KCNB2: variants seen among roughly 807,000 people sequenced by gnomAD.
KCNB2 encodes the protein delayed rectifier potassium channel protein.
Under a neutral mutation model 61.5 loss-of-function variants are expected in KCNB2, and 15 were observed. The observed-to-expected ratio is 0.24, with a 90% CI of 0.16 to 0.38. KCNB2 has a LOEUF of 0.38. Among genes scored for constraint, KCNB2 ranks in the 10% least tolerant of loss-of-function variants. KCNB2 has a pLI of 1.00. For missense variants in KCNB2, 828 were observed against 1,125.2 expected, an observed-to-expected ratio of 0.74 and a Z score of 3.78; for synonymous variants, 457 against 446.0, an observed-to-expected ratio of 1.02 and a Z score of -0.31.
chr8:72,686,797 A>C (rs911758161), intron 2 of KCNB2, among the ~76,000 whole-genome samples: 1 of 152,220 alleles, frequency 6.6e-6, no homozygotes, highest in Non-Finnish European at 1.5e-5. Context: ...AGTCCTGGGC[A>C]CAAAACTCAG....
chr8:72,611,301 A>G (rs945615333), intron 2 of KCNB2, among the ~76,000 whole-genome samples: 1 of 152,178 alleles, frequency 6.6e-6, no homozygotes, highest in African/African-American at 2.4e-5. Context: ...CTTTCACAAA[A>G]AGTCTTTTGT....
chr8:72,893,541 A>G (rs1371908875), intron 2 of KCNB2, among the ~76,000 whole-genome samples: 1 of 152,204 alleles, frequency 6.6e-6, no homozygotes, highest in African/African-American at 2.4e-5. Context: ...AAGTATTTTT[A>G]TATGTGCATC....
In KCNB2 at chr8:72,627,374, A is replaced by G. The variant is rs377216202; in HGVS notation, c.579+59061A>G. Among the ~76,000 whole-genome samples the G allele has an allele frequency of 7.2e-5, 11 of 152,308 alleles. No homozygotes were observed. The East Asian group carries it at 1.9e-3, about 27-fold the overall frequency. On this transcript the variant is annotated intron_variant, in intron 2 of 2. Transcript: ENST00000523207. The stretch of plus-strand genomic sequence containing the variant: ...TCTCAAATTTGATTTTTTTCTGTAT[A>G]ACTAATCATATTTTCTATCATAGAC...
At chr8:72,851,841 A>AAAAACAAAAC (rs1554539014) in intron 2 of KCNB2, among the ~76,000 whole-genome samples, 2 of 111,388 alleles carry the variant, frequency 1.8e-5, no homozygotes, top group African/African-American at 9.1e-5. Flanking sequence ...AAAAAAAAAA[A>AAAAACAAAAC]AAAAAAACAC....
At chr8:72,934,310 G>A (rs571939141) in intron 2 of KCNB2, among the ~76,000 whole-genome samples, 1 of 149,982 alleles carries the variant, frequency 6.7e-6, no homozygotes, top group South Asian at 2.1e-4. Flanking sequence ...GGAGGCAGAG[G>A]TTGCAGTGAG....
At chr8:72,613,266 C>A (rs938615807) in intron 2 of KCNB2, among the ~76,000 whole-genome samples, 3 of 152,078 alleles carry the variant, frequency 2.0e-5, no homozygotes, top group Non-Finnish European at 4.4e-5. Context: ...AGAAAAAAAA[C>A]CCTACAAACA....
intron 2 of KCNB2, among the ~76,000 whole-genome samples, chr8:72,703,764 G>T (rs1357545625): frequency 6.6e-6 from 1 of 152,184 alleles, no homozygotes; most frequent in Non-Finnish European, 1.5e-5. Context: ...ATAAAACCAT[G>T]GGAGTAGCTC....
intron 2 of KCNB2, among the ~76,000 whole-genome samples, chr8:72,843,399 G>T (rs554376425): frequency 6.6e-6 from 1 of 152,272 alleles, no homozygotes; most frequent in African/African-American, 2.4e-5. Context: ...GTGCTGAGAA[G>T]AATGTATATT....
intron 2 of KCNB2, among the ~76,000 whole-genome samples, chr8:72,664,172 G>C (rs2128987556): frequency 6.6e-6 from 1 of 152,296 alleles, no homozygotes; most frequent in South Asian, 2.1e-4. Flanking sequence ...GCCTGTCTTT[G>C]TCCAGCGGAT....
intron 2 of KCNB2, among the ~76,000 whole-genome samples, chr8:72,723,338 A>G (rs1807582435): frequency 6.6e-6 from 1 of 152,206 alleles, no homozygotes; most frequent in Non-Finnish European, 1.5e-5. Context: ...ATGGGGTAAC[A>G]CTAGAACTAA....
chr8:72,801,375 T>C (rs1809122559), intron 2 of KCNB2, among the ~76,000 whole-genome samples: 1 of 152,226 alleles, frequency 6.6e-6, no homozygotes, highest in African/African-American at 2.4e-5. Flanking sequence ...CTGAACACTT[T>C]TGTGGTGAGC....
chr8:72,916,990 C>T (rs567911501), intron 2 of KCNB2, among the ~76,000 whole-genome samples: 4 of 152,152 alleles, frequency 2.6e-5, no homozygotes, highest in South Asian at 2.1e-4. Flanking sequence ...AGGCAACATT[C>T]GAGCTGGAAA....
intron 2 of KCNB2, among the ~76,000 whole-genome samples, chr8:72,926,867 A>G (rs10096641): frequency 0.43 from 65,141 of 152,026 alleles, 15,467 homozygotes; most frequent in East Asian, 0.89. Context: ...GCCCCCCATC[A>G]GTCCTATGCA....
intron 2 of KCNB2, among the ~76,000 whole-genome samples, chr8:72,847,745 A>G (rs891055811): frequency 1.3e-5 from 2 of 152,252 alleles, no homozygotes; most frequent in African/African-American, 4.8e-5. Flanking sequence ...GATTGTCCAA[A>G]TAAAGTAAGG....
intron 2 of KCNB2, among the ~76,000 whole-genome samples, chr8:72,646,805 T>C (rs1806136472): frequency 6.6e-6 from 1 of 152,128 alleles, no homozygotes; most frequent in Admixed American, 6.6e-5. Context: ...CTGGAGTTAG[T>C]AGTGATGGTC....
chr8:72,901,989 G>A (rs1464279504), intron 2 of KCNB2, among the ~76,000 whole-genome samples: 1 of 152,152 alleles, frequency 6.6e-6, no homozygotes, highest in Non-Finnish European at 1.5e-5. Context: ...GCAGAAAAGG[G>A]AAGTACTCAA....
At chr8:72,904,173 C>G (rs1563419145) in intron 2 of KCNB2, among the ~76,000 whole-genome samples, 1 of 152,060 alleles carries the variant, frequency 6.6e-6, no homozygotes, top group African/African-American at 2.4e-5. Context: ...GCTGCATCAC[C>G]AATCACTTTC....
intron 2 of KCNB2, among the ~76,000 whole-genome samples, chr8:72,930,191 G>A (rs186926978): frequency 6.6e-6 from 1 of 151,606 alleles, no homozygotes; most frequent in African/African-American, 2.4e-5. Context: ...TCTTAATCTA[G>A]TCTATCATTG....
intron 2 of KCNB2, among the ~76,000 whole-genome samples, chr8:72,602,746 T>A (rs570959520): frequency 3.9e-5 from 6 of 152,314 alleles, no homozygotes; most frequent in African/African-American, 1.4e-4. Flanking sequence ...GACAGTTGGC[T>A]GATCTTTGCT....
Sources: allele counts gnomAD v4.1 joint callset (sites outside exome capture counted in the v4.1 genomes callset), GRCh38; gene constraint gnomAD v4.1.1; transcripts MANE v1.5; gene names NCBI Gene and HGNC (gene_info 2026-07-23, HGNC 2026-07-21).